Variants in TRIM25 observed in about 807,000 individuals in gnomAD.
The protein encoded by TRIM25 is E3 ubiquitin/ISG15 ligase TRIM25.
A neutral mutation model predicts 65.2 loss-of-function variants in TRIM25; 45 were observed. That is an observed-to-expected ratio of 0.69 (90% CI 0.54 to 0.89). TRIM25 has a LOEUF of 0.89. Ranked by LOEUF, TRIM25 falls within the 40% of genes least tolerant of loss-of-function variation. The probability of loss-of-function intolerance (pLI) is 0.00; values close to 1 mark genes in which losing one functional copy is unlikely to be tolerated. For missense variants in TRIM25, 714 were observed against 803.7 expected (o/e 0.89, Z 1.35); for synonymous variants, 321 against 340.4 (o/e 0.94, Z 0.63).
intron 1 of TRIM25, chr17:56,912,674 G>C (rs1375386661): frequency 6.6e-6 from 1 of 152,208 alleles, no homozygotes; most frequent in Admixed American, 6.5e-5. Context: ...TGCCTGCGTG[G>C]CTATTTACTG....
rs1909275155 is a variant in TRIM25, at chr17:56,895,553, T to G, written c.1232A>C (p.Gln411Pro). The change falls in exon 7 of 9, where the codon CAG (glutamine) becomes CCG (proline). Residue 411 changes from glutamine (Q) to proline (P), a missense_variant. Gln to Pro is a moderately conservative substitution (Grantham distance 76). This residue lies in a region of TRIM25 where 413 missense variants were observed against 498.2 expected (regional missense o/e 0.83). Transcript: ENST00000316881. Reference protein sequence around the residue: ...SKLPTFGAPEQLVDLKQAGLE... With the variant: ...SKLPTFGAPEPLVDLKQAGLE... ...GCCAGCTTGTTTTAAATCCACTAAC[T>G]GTTCCGGGGCTCCAAACGTGGGAAG... 3 of 1,593,272 alleles carry G rather than the reference T, an allele frequency of 1.9e-6. No homozygotes were observed. The highest frequency in any genetic ancestry group is 2.6e-6 in the Non-Finnish European group (3 of 1,167,596).
chr17:56,894,907 G>A (rs1021154712), intron 8 of TRIM25, among the ~76,000 whole-genome samples: 8 of 152,190 alleles, frequency 5.3e-5, no homozygotes, highest in East Asian at 3.9e-4. Context: ...GAAGGTGGGC[G>A]GGACAGGGAG....
Position 56,889,476 on chromosome 17 carries a change from G to T in TRIM25, c.*2224C>A. On this transcript the variant is annotated 3_prime_UTR_variant, in exon 9 of 9. Transcript: ENST00000316881. ...GACTCCAGGGTTGTGTGGCGGCCCT[G>T]CAAGGCTAGGTTATGTAAGGTCTCA... 1 of 323,100 alleles carries T rather than the reference G, an allele frequency of 3.1e-6. No homozygotes were observed. Among genetic ancestry groups the T allele is most frequent in the Non-Finnish European group, 5.6e-6 (1 of 178,556 alleles). The allele number at this position is 323,100 out of a possible 1,614,324, so 20.0% of individuals were successfully genotyped here. A position where few individuals can be genotyped will look rare whatever the true frequency, so the allele number is the denominator to read the frequency against.
rs748427142 is a variant in TRIM25, at chr17:56,913,677, C to A, written c.312G>T (p.Gln104His). Residue 104 changes from glutamine (Q) to histidine (H), a missense_variant, in exon 1 of 9, where the codon CAG becomes CAT. Transcript: ENST00000316881. The surrounding 1 kb of genome is among the most constrained non-coding windows in gnomAD (Gnocchi z 6.1). ...ARASAPSPNA[Q>H]VACDHCLKEA... Reference sequence around the variant, plus strand: ...CCTTCAGGCAGTGGTCGCAGGCCACCTGGGCATTCGGGCTGGGTGCAGAGG... The same window carrying A: ...CCTTCAGGCAGTGGTCGCAGGCCACATGGGCATTCGGGCTGGGTGCAGAGG... 1 of 1,593,558 alleles carries A rather than the reference C, an allele frequency of 6.3e-7. No homozygotes were observed. Among genetic ancestry groups the A allele is most frequent in the Non-Finnish European group, 8.6e-7 (1 of 1,169,250 alleles).
At position 56,891,152 on chromosome 17, in the gene TRIM25, C is replaced by T. The variant is rs1197416133; in HGVS notation, c.*548G>A. 2 of 355,554 alleles carry T rather than the reference C, an allele frequency of 5.6e-6. No homozygotes were observed. Among genetic ancestry groups the T allele is most frequent in the Non-Finnish European group, 1.1e-5 (2 of 179,078 alleles). The allele number at this position is 355,554 out of a possible 1,614,324, so 22.0% of individuals were successfully genotyped here. A position where few individuals can be genotyped will look rare whatever the true frequency, so the allele number is the denominator to read the frequency against. Reference sequence around the variant, plus strand: ...TTTAGGAAACTGTTCTGGGTAGAGACTGCTGTGGGTGTTTCCTCAAGCACA... The same window carrying T: ...TTTAGGAAACTGTTCTGGGTAGAGATTGCTGTGGGTGTTTCCTCAAGCACA... On this transcript the variant is annotated 3_prime_UTR_variant, in exon 9 of 9. Coordinates refer to ENST00000316881, the MANE Select transcript of TRIM25 (RefSeq NM_005082.5).
intron 1 of TRIM25, among the ~76,000 whole-genome samples, chr17:56,909,735 G>A (rs1909591734): frequency 6.6e-6 from 1 of 151,322 alleles, no homozygotes; most frequent in Non-Finnish European, 1.5e-5. Context: ...AAGCCCAGGT[G>A]CAAATCTGCT....
At chr17:56,907,418 T>C (rs1909541904) in intron 2 of TRIM25, among the ~76,000 whole-genome samples, 1 of 152,212 alleles carries the variant, frequency 6.6e-6, no homozygotes, top group South Asian at 2.1e-4. Flanking sequence ...GGTTCAAAGA[T>C]CTGTCAACAT....
Position 56,897,049 on chromosome 17 carries a change from G to A in TRIM25, c.1154-1097C>T, listed in dbSNP as rs528385833. Among the ~76,000 whole-genome samples, 4 of 152,254 alleles carry A rather than the reference G, an allele frequency of 2.6e-5. No individual in the cohort carries two copies. In the East Asian group the frequency reaches 5.8e-4, roughly 22 times the overall value. Reference sequence around the variant, plus strand: ...GATCACTTGAGCCCAGGAGTTCGAGGCTGCAATGAGTTCTGTTCGCACCAC... The same window carrying A: ...GATCACTTGAGCCCAGGAGTTCGAGACTGCAATGAGTTCTGTTCGCACCAC... On this transcript the variant is annotated intron_variant, in intron 5 of 8. Coordinates refer to ENST00000316881, the MANE Select transcript of TRIM25 (RefSeq NM_005082.5).
chr17:56,913,357 A>G lies in TRIM25; in HGVS notation c.597+35T>C. On this transcript the variant is annotated intron_variant, in intron 1 of 8. Coordinates refer to ENST00000316881, the MANE Select transcript of TRIM25 (RefSeq NM_005082.5). This position sits in a 1 kb window ranked among gnomAD's most constrained non-coding sequence, Gnocchi z 6.1. ...GCCCCTCTGCACCACCCATCAGGCC[A>G]GGCTGCCCTCTGCACCCAGCAGGCC... 1 of 1,518,776 alleles carries G rather than the reference A, an allele frequency of 6.6e-7. No individual in the cohort carries two copies. Among genetic ancestry groups the G allele is most frequent in the Non-Finnish European group, 8.9e-7 (1 of 1,129,482 alleles). 94.1% of individuals were successfully genotyped at this position (1,518,776 alleles called of 1,614,324 possible). A position where few individuals can be genotyped will look rare whatever the true frequency, so the allele number is the denominator to read the frequency against.
chr17:56,904,951 A>G (rs1909490621), intron 2 of TRIM25, among the ~76,000 whole-genome samples: 1 of 152,244 alleles, frequency 6.6e-6, no homozygotes, highest in Non-Finnish European at 1.5e-5. Flanking sequence ...TGCTCTTTCA[A>G]TAAAGCTTAG....
In TRIM25 at chr17:56,904,445, G is replaced by T. The variant is rs761849892; in HGVS notation, c.737C>A (p.Thr246Lys). The T allele has an allele frequency of 6.2e-7, 1 of 1,614,062 alleles. No individual in the cohort carries two copies. The highest frequency in any genetic ancestry group is 1.1e-5 in the South Asian group (1 of 91,068). Residue 246 changes from threonine to lysine, a missense_variant, in exon 3 of 9, where the codon ACG becomes AAG. Thr to Lys is a moderately conservative substitution (Grantham distance 78). Transcript: ENST00000316881. ...RKVEQLQQEY[T>K]EMKALLDASE... Reference sequence around the variant, plus strand: ...GGCGTCCAAGAGAGCCTTCATTTCCGTGTATTCTTGTTGTAGCTGCTCCAC... The same window carrying T: ...GGCGTCCAAGAGAGCCTTCATTTCCTTGTATTCTTGTTGTAGCTGCTCCAC...
chr17:56,891,854 A>G lies in TRIM25; in HGVS notation c.1739T>C (p.Leu580Pro), dbSNP rs1167648597. 3 of 1,614,244 alleles carry G rather than the reference A, an allele frequency of 1.9e-6. No individual in the cohort carries two copies. The highest frequency in any genetic ancestry group is 2.5e-6 in the Non-Finnish European group (3 of 1,180,034). The change falls in exon 9 of 9, where the codon CTT becomes CCT. Residue 580 changes from leucine to proline, a missense_variant. This residue lies in a region of TRIM25 where 413 missense variants were observed against 498.2 expected (regional missense o/e 0.83). Transcript: ENST00000316881. ...PSTKATRVGV[L>P]LNCDHGFVIF... ...GACAAAGCCGTGGTCACAGTTGAGA[A>G]GCACGCCCACCCGCGTGGCCTTGGT...
chr17:56,904,084 T>C (rs1909468748), intron 3 of TRIM25, among the ~76,000 whole-genome samples, 171 bp downstream of exon 3: 1 of 152,054 alleles, frequency 6.6e-6, no homozygotes, highest in South Asian at 2.1e-4. Flanking sequence ...TTGAAGCCCC[T>C]ACATTTGTGG....
Position 56,890,694 on chromosome 17 carries a change from C to T in TRIM25, c.*1006G>A. 4.4e-6 allele frequency: 2 copies of T among 456,652 alleles called. No individual in the cohort carries two copies. Among genetic ancestry groups the T allele is most frequent in the Non-Finnish European group, 8.8e-6 (2 of 226,958 alleles). The allele number at this position is 456,652 out of a possible 1,614,324, so 28.3% of individuals were successfully genotyped here. ...TGTGCTAGCCTCGGTGGTACCTGCA[C>T]TGTCATTCCATATGTCACAATCCAG... On this transcript the variant is annotated 3_prime_UTR_variant, in exon 9 of 9. Coordinates refer to ENST00000316881, the MANE Select transcript of TRIM25 (RefSeq NM_005082.5).
At chr17:56,892,406 TATCCATGTATCCATCAATCC>T (rs1245218475) in intron 8 of TRIM25, among the ~76,000 whole-genome samples, 177 bp from the exon 9 acceptor site, 1 of 152,170 alleles carries the variant, frequency 6.6e-6, no homozygotes, top group Non-Finnish European at 1.5e-5. Flanking sequence ...TCTATCTGTC[TATCCATGTATCCATCAATCC>T]ATCCATGTAT....
intron 1 of TRIM25, chr17:56,908,874 AG>A (rs1459568865): frequency 3.3e-6 from 1 of 305,434 alleles, no homozygotes; most frequent in African/African-American, 2.1e-5. Context: ...CCCAGCTCAC[AG>A]GGCTATTGGG....
In TRIM25 at chr17:56,895,405, G is replaced by A. The variant is rs1315614758; in HGVS notation, c.1301C>T (p.Thr434Ile). The A allele has an allele frequency of 1.2e-6, 2 of 1,614,200 alleles. No individual in the cohort carries two copies. Among genetic ancestry groups the A allele is most frequent in the Non-Finnish European group, 1.7e-6 (2 of 1,180,040 alleles). The change falls in exon 8 of 9, where the codon ACA (threonine) becomes ATA (isoleucine). Residue 434 changes from threonine (T) to isoleucine (I), a missense_variant. Thr to Ile is a moderately conservative substitution (Grantham distance 89). Transcript: ENST00000316881. The part of the protein sequence containing the change: ...AKATSSHPNS[T>I]SLKAKVLETF... ...CTCCAGCACCTTGGCCTTGAGAGATGTTGAGTTCGGATGTGAGCTGGTGGC... is the reference window on the plus strand; with the variant it reads ...CTCCAGCACCTTGGCCTTGAGAGATATTGAGTTCGGATGTGAGCTGGTGGC...
Position 56,890,363 on chromosome 17 carries a change from G to A in TRIM25, c.*1337C>T, listed in dbSNP as rs1475357030. On this transcript the variant is annotated 3_prime_UTR_variant, in exon 9 of 9. Coordinates refer to ENST00000316881, the MANE Select transcript of TRIM25 (RefSeq NM_005082.5). ...CTGCAGGGAAAATAGCCACTTGTGT[G>A]ACCCTCTTTAGCTCTTTCCCTCCCT... The A allele has an allele frequency of 2.9e-6, 1 of 347,650 alleles. No homozygotes were observed. The highest frequency in any genetic ancestry group is 5.7e-6 in the Non-Finnish European group (1 of 175,068). 21.5% of individuals were successfully genotyped at this position (347,650 alleles called of 1,614,324 possible).
intron 3 of TRIM25, among the ~76,000 whole-genome samples, chr17:56,902,202 A>G (rs1909426565): frequency 6.6e-6 from 1 of 152,212 alleles, no homozygotes; most frequent in South Asian, 2.1e-4. Flanking sequence ...CTAGGCACGC[A>G]TCAGGCCTCA....
Sources: gnomAD v4.1 joint callset for allele counts (sites outside exome capture counted in the v4.1 genomes callset) on GRCh38, gnomAD v4.1.1 for gene constraint, gnomAD v4.1.1 regional missense constraint, Gnocchi (gnomAD v3.1) non-coding constraint, MANE v1.5 for transcripts, NCBI Gene and HGNC (gene_info 2026-07-23, HGNC 2026-07-21) for gene names.